KCP: variants seen among roughly 807,000 people sequenced by gnomAD.
KCP encodes the protein kielin/chordin-like protein.
In KCP, 194 loss-of-function variants were observed where a neutral mutation model predicts 212.7. The ratio of observed to expected loss-of-function variants is 0.91; its 90% CI spans 0.81 to 1.03. The LOEUF is 1.03. KCP is among the 50% of genes least tolerant of loss of function. KCP has a pLI of 0.00. For synonymous variants in KCP, 833 were observed against 865.3 expected (o/e 0.96, Z 0.65); for missense variants, 2,080 against 2,162.5 (o/e 0.96, Z 0.76).
At chr7:128,902,623 C>T (rs1231165045) in intron 8 of KCP, among the ~76,000 whole-genome samples, 154 bp downstream of exon 8, 1 of 152,210 alleles carries the variant, frequency 6.6e-6, no homozygotes, top group African/African-American at 2.4e-5. Context: ...TCTGCCCAGC[C>T]CCCGCCTGCA....
Position 128,908,547 on chromosome 7 carries a change from G to A in KCP, c.98C>T (p.Pro33Leu). ...ATGGGCAGTTGTCTGCTGCCCAGGGGGCTCCCTGGGGACAGCCCCACCTGA... is the reference window on the plus strand; with the variant it reads ...ATGGGCAGTTGTCTGCTGCCCAGGGAGCTCCCTGGGGACAGCCCCACCTGA... The part of the protein sequence containing the change: ...GAEGGAVPRE[P>L]PGQQTTAHSS... Residue 33 changes from proline to leucine, a missense_variant, in exon 2 of 40, where the codon CCC (proline) becomes CTC (leucine). By Grantham distance (98) the Pro-to-Leu change is moderately conservative. Coordinates refer to ENST00000610776, the MANE Select transcript of KCP (RefSeq NM_001366122.1). 6.4e-7 allele frequency: 1 copy of A among 1,551,292 alleles called. No individual in the cohort carries two copies. Among genetic ancestry groups the A allele is most frequent in the Admixed American group, 2.0e-5 (1 of 51,004 alleles).
At chr7:128,902,128 C>T (rs1794885479) in intron 8 of KCP, among the ~76,000 whole-genome samples, 1 of 152,196 alleles carries the variant, frequency 6.6e-6, no homozygotes, top group African/African-American at 2.4e-5. Context: ...CTCTTGGGCT[C>T]AAGTGATCCT....
chr7:128,881,936 C>T lies in KCP; in HGVS notation c.3324+1G>A, dbSNP rs1563021605. 2.6e-6 allele frequency: 4 copies of T among 1,551,016 alleles called. No homozygotes were observed. The Admixed American group carries it at 5.9e-5, about 23-fold the overall frequency. ...TGAGTCCCCAAGGCAGGAGGGCTCA[C>T]CTGGCACTGGCACGTGTAGCAGGGG... On this transcript the variant is annotated splice_donor_variant, in intron 30 of 39. Coordinates refer to ENST00000610776, the MANE Select transcript of KCP (RefSeq NM_001366122.1). LOFTEE classifies it high-confidence loss of function.
At chr7:128,879,397 C>A (rs896776916) in intron 37 of KCP, 125 bp downstream of exon 37, 6 of 742,782 alleles carry the variant, frequency 8.1e-6, no homozygotes, top group African/African-American at 1.7e-5. Flanking sequence ...CACCCCTGTA[C>A]CCCACTCCTT....
intron 31 of KCP, among the ~76,000 whole-genome samples, chr7:128,881,373 A>G (rs890143759): frequency 2.6e-5 from 4 of 152,146 alleles, no homozygotes; most frequent in African/African-American, 9.7e-5. Flanking sequence ...GGGCCTGGGG[A>G]TCCTGAGCCC....
Position 128,880,472 on chromosome 7 carries a change from T to C in KCP, c.3673A>G (p.Thr1225Ala). Residue 1225 changes from threonine to alanine, a missense_variant, in exon 34 of 40, where the codon ACT becomes GCT. Thr to Ala is a moderately conservative substitution (Grantham distance 58). Transcript: ENST00000610776. ...GAGCAGCTGGTGCAGGTGTCCACAG[T>C]CCAGCGCTCTCCAGAGGCCACCTCA... ...GREVASGERW[T>A]VDTCTSCSCM... The C allele has an allele frequency of 6.5e-7, 1 of 1,541,722 alleles. No individual in the cohort carries two copies. The highest frequency in any genetic ancestry group is 8.8e-7 in the Non-Finnish European group (1 of 1,141,354).
chr7:128,887,826 C>A (rs1305882539), intron 22 of KCP, among the ~76,000 whole-genome samples: 2 of 65,884 alleles, frequency 3.0e-5, no homozygotes, highest in African/African-American at 1.5e-4. Context: ...CAGCCACATA[C>A]ACACACACAC....
intron 2 of KCP, 104 bp downstream of exon 2, chr7:128,908,322 A>C: frequency 3.4e-6 from 3 of 886,810 alleles, no homozygotes; most frequent in Non-Finnish European, 4.7e-6. Context: ...TGTTCAGATA[A>C]GAGCTCTATT....
At chr7:128,905,374 A>G (rs1795072929) in intron 5 of KCP, among the ~76,000 whole-genome samples, 1 of 152,122 alleles carries the variant, frequency 6.6e-6, no homozygotes, top group African/African-American at 2.4e-5. Context: ...TCACCTTATG[A>G]GCCAGTAACA....
At chr7:128,905,622 G>T (rs1362212174) in intron 5 of KCP, among the ~76,000 whole-genome samples, 1 of 152,184 alleles carries the variant, frequency 6.6e-6, no homozygotes, top group Non-Finnish European at 1.5e-5. Context: ...GCCCTCACCA[G>T]GTGAATATTC....
chr7:128,886,447 G>T lies in KCP; in HGVS notation c.2866+17C>A. 1 of 1,537,768 alleles carries T rather than the reference G, an allele frequency of 6.5e-7. No individual in the cohort carries two copies. Among genetic ancestry groups the T allele is most frequent in the Non-Finnish European group, 8.8e-7 (1 of 1,138,152 alleles). ...CCAAGGGGCTGAAGCAAGGGGTAGG[G>T]CTACAGGCGGCCATACCTCTGCAGC... On this transcript the variant is annotated intron_variant, in intron 26 of 39. Transcript: ENST00000610776.
intron 29 of KCP, among the ~76,000 whole-genome samples, chr7:128,882,322 C>T (rs1793381177): frequency 6.6e-6 from 1 of 152,204 alleles, no homozygotes; most frequent in African/African-American, 2.4e-5. Flanking sequence ...GCGGCCTGCT[C>T]TCCCTCCCGC....
intron 35 of KCP, 41 bp downstream of exon 35, chr7:128,879,872 G>A: frequency 1.3e-6 from 2 of 1,551,160 alleles, no homozygotes; most frequent in Non-Finnish European, 8.7e-7. Flanking sequence ...CAGCAGGGCT[G>A]GGTGTAGGGG....
At position 128,877,209 on chromosome 7, in the gene KCP, G is replaced by A; in HGVS notation, c.4721C>T (p.Ala1574Val). 6.8e-7 allele frequency: 1 copy of A among 1,476,750 alleles called. No homozygotes were observed. The allele number at this position is 1,476,750 out of a possible 1,614,324, so 91.5% of individuals were successfully genotyped here. A position where few individuals can be genotyped will look rare whatever the true frequency, so the allele number is the denominator to read the frequency against. ...NQHIPLGELA[A>V]HCVRPCVPGC... is the part of the protein sequence containing the mutation. ...GGGCACGCAGGGCCTCACGCAGTGG[G>A]CTGCCAGCTCCCCCAGGGGGATATG... The change falls in exon 40 of 40, where the codon GCC becomes GTC. Residue 1574 changes from alanine (A) to valine (V), a missense_variant. Transcript: ENST00000610776.
rs111418323 is a variant in KCP at position 128,906,602 on chromosome 7, CAG to C, written c.487-241_487-240del. 3.3e-3 allele frequency among the ~76,000 whole-genome samples: 498 copies of C among 152,216 alleles called. 2 individuals are homozygous for C. Among genetic ancestry groups the C allele is most frequent in the African/African-American group, 0.012 (485 of 41,528 alleles). ...CTCTTCCAGGTGCCAGCACATTCCC[CAG>C]AGAGGGGAGATCCTAGGAAGAAGAC... On this transcript the variant is annotated intron_variant, in intron 4 of 39. Transcript: ENST00000610776.
chr7:128,891,069 C>T lies in KCP; in HGVS notation c.2000G>A (p.Arg667Gln). 1 of 1,413,288 alleles carries T rather than the reference C, an allele frequency of 7.1e-7. No individual in the cohort carries two copies. The highest frequency in any genetic ancestry group is 9.2e-7 in the Non-Finnish European group (1 of 1,091,228). The allele number at this position is 1,413,288 out of a possible 1,614,324, so 87.5% of individuals were successfully genotyped here. ...PAAPAPAGCPRPGAAHARHQE... is the reference protein window; with the variant it reads ...PAAPAPAGCPQPGAAHARHQE... ...GTGGCGGGCGTGGGCCGCGCCGGGC[C>T]GTGGGCAGCCGGCGGGGGCTGGGGC... Residue 667 changes from arginine to glutamine, a missense_variant, in exon 20 of 40, where the codon CGG becomes CAG. Coordinates refer to ENST00000610776, the MANE Select transcript of KCP (RefSeq NM_001366122.1).
rs1793338472 is a variant in KCP at position 128,881,611 on chromosome 7, AG to A, written c.3424+14del. 7 of 1,479,676 alleles carry A rather than the reference AG, an allele frequency of 4.7e-6. No homozygotes were observed. The highest frequency in any genetic ancestry group is 4.3e-5 in the African/African-American group (3 of 69,810). 91.7% of individuals were successfully genotyped at this position (1,479,676 alleles called of 1,614,324 possible). On this transcript the variant is annotated intron_variant, in intron 31 of 39. Coordinates refer to ENST00000610776, the MANE Select transcript of KCP (RefSeq NM_001366122.1). ...GGCTCCTCTCTGAGGGTGGAGGCCA[AG>A]GCTGGGCACTTACCCCGGCATACGG...
chr7:128,890,187 C>G, intron 21 of KCP, 156 bp downstream of exon 21: 1 of 1,407,014 alleles, frequency 7.1e-7, no homozygotes, highest in South Asian at 1.3e-5. Context: ...CCCAAATTGT[C>G]GGGGTCACAG....
At position 128,890,934 on chromosome 7, in the gene KCP, C is replaced by A. The variant is rs929763536; in HGVS notation, c.2135G>T (p.Arg712Leu). Residue 712 changes from arginine (R) to leucine (L), a missense_variant, in exon 20 of 40, where the codon CGC becomes CTC. Transcript: ENST00000610776. ...PCPPAPCAHP[R>L]QGPCCPSCDG... ...GCAGGAGGGGCAGCAAGGCCCCTGG[C>A]GCGGGTGCGCGCAGGGCGCGGGCGG... 13 of 1,245,526 alleles carry A rather than the reference C, an allele frequency of 1.0e-5. No homozygotes were observed. The highest frequency in any genetic ancestry group is 1.3e-5 in the Non-Finnish European group (13 of 999,466). The allele number at this position is 1,245,526 out of a possible 1,614,324, so 77.2% of individuals were successfully genotyped here.
Sources: allele counts gnomAD v4.1 joint callset (sites outside exome capture counted in the v4.1 genomes callset), GRCh38; gene constraint gnomAD v4.1.1; transcripts MANE v1.5; gene names NCBI Gene and HGNC (gene_info 2026-07-23, HGNC 2026-07-21).